The following GRM7 variants were observed in gnomAD, a reference collection of about 807,000 sequenced individuals.
GRM7 encodes the protein metabotropic glutamate receptor 7.
A neutral mutation model predicts 84.5 loss-of-function variants in GRM7; 35 were observed. The observed-to-expected ratio is 0.41, with a 90% CI of 0.32 to 0.55. The LOEUF (loss-of-function observed/expected upper bound fraction) is 0.55, where lower values mean the gene tolerates loss of function less well. GRM7 is among the 20% of genes least tolerant of loss of function. GRM7 has a pLI of 0.19. For synonymous variants in GRM7, 487 were observed against 455.1 expected (o/e 1.07, Z -0.89); for missense variants, 1,003 against 1,194.6 (o/e 0.84, Z 2.36).
At chr3:7,055,395 G>A (rs1361976421) in intron 1 of GRM7, among the ~76,000 whole-genome samples, 2 of 151,430 alleles carry the variant, frequency 1.3e-5, no homozygotes, top group Non-Finnish European at 1.5e-5. Context: ...GTGGAGAACC[G>A]TTTTGTTGGA....
intron 4 of GRM7, among the ~76,000 whole-genome samples, chr3:7,323,605 C>T (rs1436172336): frequency 6.6e-6 from 1 of 152,162 alleles, no homozygotes; most frequent in Non-Finnish European, 1.5e-5. Context: ...TGTTGTTCCT[C>T]TCATGTGAAA....
At chr3:7,152,894 G>T (rs1396390476) in intron 2 of GRM7, among the ~76,000 whole-genome samples, 3 of 152,170 alleles carry the variant, frequency 2.0e-5, no homozygotes, top group African/African-American at 7.2e-5. Context: ...CTAGGGTACA[G>T]TCATTAATTC....
chr3:7,622,840 C>T (rs781449914), intron 8 of GRM7, among the ~76,000 whole-genome samples: 4 of 152,222 alleles, frequency 2.6e-5, no homozygotes, highest in Admixed American at 2.6e-4. Context: ...AACCCGTGTC[C>T]GTGTTATTTC....
chr3:7,090,892 T>C (rs903926682), intron 1 of GRM7, among the ~76,000 whole-genome samples: 15 of 152,110 alleles, frequency 9.9e-5, no homozygotes, highest in Non-Finnish European at 1.6e-4. Flanking sequence ...CTTAAACTAT[T>C]AGGGAATTCT....
Position 7,195,652 on chromosome 3 carries a change from T to C in GRM7, c.736+48984T>C, listed in dbSNP as rs1695853661. On this transcript the variant is annotated intron_variant, in intron 2 of 9. Transcript: ENST00000357716. ...CAGGAGTCTGTAGAACTTTTGAGAT[T>C]GAAAATGAATAAATAATGGGAGGAA... Among the ~76,000 whole-genome samples the C allele has an allele frequency of 3.3e-5, 5 of 152,176 alleles. No homozygotes were observed. The South Asian group carries it at 1.0e-3, about 32-fold the overall frequency.
chr3:6,900,009 A>T (rs747348998), intron 1 of GRM7, among the ~76,000 whole-genome samples: 34 of 152,312 alleles, frequency 2.2e-4, no homozygotes, highest in Non-Finnish European at 2.5e-4. Flanking sequence ...AAAACAAAAT[A>T]ATTGGAGCAA....
intron 8 of GRM7, among the ~76,000 whole-genome samples, chr3:7,629,298 T>C (rs946820861): frequency 5.9e-5 from 9 of 152,170 alleles, no homozygotes; most frequent in African/African-American, 2.2e-4. Context: ...ATAGAAAATA[T>C]CACAGACTGG....
At chr3:7,015,017 C>G (rs1695511714) in intron 1 of GRM7, among the ~76,000 whole-genome samples, 1 of 152,118 alleles carries the variant, frequency 6.6e-6, no homozygotes, top group Admixed American at 6.6e-5. Flanking sequence ...CCAATCAGCA[C>G]TCTGTAGAAT....
intron 9 of GRM7, among the ~76,000 whole-genome samples, chr3:7,715,830 A>C (rs1313088939): frequency 2.6e-5 from 4 of 152,218 alleles, no homozygotes; most frequent in Admixed American, 2.6e-4. Flanking sequence ...AGCCTTCTTT[A>C]GTTTTTGAAT....
chr3:7,680,057 A>G lies in GRM7; in HGVS notation c.2460A>G (p.Ile820Met), dbSNP rs1700301206. Reference protein sequence around the residue: ...GTAQSAEKLYIQTTTLTISMN... With the variant: ...GTAQSAEKLYMQTTTLTISMN... ...TGTGTTGTGTCTCCTAGCTCTACAT[A>G]CAAACTACCACGCTTACAATCTCCA... The change falls in exon 9 of 10, where the codon ATA becomes ATG. Residue 820 changes from isoleucine to methionine, a missense_variant. Around this residue, in one of 2 missense-constraint regions of GRM7, gnomAD observed 910 missense variants for 1,126.0 expected, o/e 0.81. Transcript: ENST00000357716. 1 of 1,613,978 alleles carries G rather than the reference A, an allele frequency of 6.2e-7. No homozygotes were observed. The highest frequency in any genetic ancestry group is 1.7e-5 in the Admixed American group (1 of 60,004).
intron 1 of GRM7, among the ~76,000 whole-genome samples, chr3:7,139,332 C>G (rs189496781): frequency 1.3e-5 from 2 of 151,654 alleles, no homozygotes; most frequent in African/African-American, 4.8e-5. Flanking sequence ...CATAACACAG[C>G]AACACACAGC....
At chr3:7,008,526 T>C (rs1179253447) in intron 1 of GRM7, among the ~76,000 whole-genome samples, 1 of 152,204 alleles carries the variant, frequency 6.6e-6, no homozygotes, top group Non-Finnish European at 1.5e-5. Context: ...AGAAACTCAA[T>C]TGTTTGGAAA....
intron 4 of GRM7, among the ~76,000 whole-genome samples, chr3:7,365,417 T>C (rs1693834410): frequency 6.6e-6 from 1 of 151,724 alleles, no homozygotes; most frequent in East Asian, 1.9e-4. Flanking sequence ...TTTTCTCTTC[T>C]GTTTACCACT....
At chr3:7,293,022 G>A (rs55766791) in intron 2 of GRM7, among the ~76,000 whole-genome samples, 55,974 of 137,184 alleles carry the variant, frequency 0.41, 11,082 homozygotes, top group East Asian at 0.48. Flanking sequence ...GGACAAGAGC[G>A]AGACTTGGTC....
intron 3 of GRM7, among the ~76,000 whole-genome samples, chr3:7,305,076 A>T (rs758941008): frequency 6.6e-6 from 1 of 152,180 alleles, no homozygotes; most frequent in Non-Finnish European, 1.5e-5. Context: ...ATTTTTACAG[A>T]AAAATTATTT....
chr3:7,359,619 C>T (rs1693574510), intron 4 of GRM7, among the ~76,000 whole-genome samples: 1 of 148,258 alleles, frequency 6.7e-6, no homozygotes, highest in East Asian at 1.9e-4. Flanking sequence ...ACCCAAAGCG[C>T]TGAGCCACCA....
intron 7 of GRM7, among the ~76,000 whole-genome samples, chr3:7,575,825 G>T (rs1357768754): frequency 6.6e-6 from 1 of 152,042 alleles, no homozygotes; most frequent in Non-Finnish European, 1.5e-5. Context: ...GATGTTCGTG[G>T]TTACAGCTCC....
intron 7 of GRM7, among the ~76,000 whole-genome samples, chr3:7,485,272 T>A (rs754221648): frequency 6.6e-6 from 1 of 152,228 alleles, no homozygotes; most frequent in African/African-American, 2.4e-5. Flanking sequence ...AGTCAATAAC[T>A]AATATGCCTT....
chr3:7,160,518 A>C (rs1694591296), intron 2 of GRM7, among the ~76,000 whole-genome samples: 1 of 151,986 alleles, frequency 6.6e-6, no homozygotes, highest in Non-Finnish European at 1.5e-5. Context: ...GGATAGATTT[A>C]GGTTTCCTTT....
Sources: allele counts gnomAD v4.1 joint callset (sites outside exome capture counted in the v4.1 genomes callset), GRCh38; gene constraint gnomAD v4.1.1; regional missense constraint gnomAD v4.1.1; transcripts MANE v1.5; gene names NCBI Gene and HGNC (gene_info 2026-07-23, HGNC 2026-07-21).